ZNF160: variants seen among roughly 807,000 people sequenced by gnomAD.
The protein encoded by ZNF160 is KRAB zinc finger protein KR18.
ZNF160 carries 9 observed loss-of-function variants against 13.1 expected under a neutral mutation model. That is an observed-to-expected ratio of 0.69 (90% CI 0.41 to 1.20). The LOEUF is 1.20. Ranked by LOEUF, ZNF160 falls within the 50% of genes most tolerant of loss-of-function variation. The pLI, the probability that ZNF160 is intolerant of heterozygous loss-of-function variation, is 0.01. For missense variants in ZNF160, 838 were observed against 988.0 expected, an observed-to-expected ratio of 0.85 and a Z score of 2.04; for synonymous variants, 293 against 333.2, an observed-to-expected ratio of 0.88 and a Z score of 1.31.
chr19:53,083,177 G>C (rs774009033), intron 3 of ZNF160, among the ~76,000 whole-genome samples: 5 of 152,134 alleles, frequency 3.3e-5, no homozygotes, highest in Non-Finnish European at 7.3e-5. Context: ...TCATGAAGTA[G>C]GCATGATTAA....
chr19:53,072,115 T>TG (rs1205996526), intron 5 of ZNF160, among the ~76,000 whole-genome samples: 2 of 151,788 alleles, frequency 1.3e-5, no homozygotes, highest in Non-Finnish European at 1.5e-5. Context: ...CTTTTTTTTT[T>TG]TTTTTAGACA....
intron 1 of ZNF160, among the ~76,000 whole-genome samples, chr19:53,096,552 C>T (rs2085243770): frequency 6.8e-6 from 1 of 147,612 alleles, no homozygotes; most frequent in Non-Finnish European, 1.5e-5. Flanking sequence ...TGTGCCCAGG[C>T]CCCTCCATGG....
At chr19:53,073,676 T>C (rs936796368) in intron 5 of ZNF160, among the ~76,000 whole-genome samples, 2 of 152,214 alleles carry the variant, frequency 1.3e-5, no homozygotes, top group Admixed American at 6.5e-5. Context: ...GAAGGAACCA[T>C]AGAGTTCAAA....
rs552337581 is a variant in ZNF160, at chr19:53,098,826, A to G, written c.-354+4439T>C. 2.0e-5 allele frequency among the ~76,000 whole-genome samples: 3 copies of G among 151,236 alleles called. No individual in the cohort carries two copies. In the South Asian group the frequency reaches 6.2e-4, roughly 31 times the overall value. On this transcript the variant is annotated intron_variant, in intron 1 of 5. Transcript: ENST00000683776. Reference sequence around the variant, plus strand: ...CGCGGAAGACCCGGGAGCTGGAGTAAGGCGGTGGGGACGCCTCGGCACTGG... The same window carrying G: ...CGCGGAAGACCCGGGAGCTGGAGTAGGGCGGTGGGGACGCCTCGGCACTGG...
At chr19:53,071,808 G>A (rs73587496) in intron 5 of ZNF160, among the ~76,000 whole-genome samples, 5,010 of 152,008 alleles carry the variant, frequency 0.033, 233 homozygotes, top group African/African-American at 0.11. Flanking sequence ...AAAACATATG[G>A]CTATCTCAAT....
chr19:53,085,226 G>A (rs771660772), intron 3 of ZNF160: 28 of 985,164 alleles, frequency 2.8e-5, no homozygotes, highest in Non-Finnish European at 3.1e-5. Flanking sequence ...TTCCTAACAC[G>A]AAAACATGTC....
At chr19:53,086,165 C>G in intron 3 of ZNF160, 97 bp downstream of exon 3, 1 of 1,411,872 alleles carries the variant, frequency 7.1e-7, no homozygotes, top group Non-Finnish European at 9.9e-7. Context: ...GCAAACATGT[C>G]AGGCAGGACG....
In ZNF160 at chr19:53,069,956, T is replaced by A; in HGVS notation, c.578A>T (p.Gln193Leu). ...VSFHSHLPEL[Q>L]LFQGEGKMYE... ...CATTTTCCCCTCACCTTGAAATAGC[T>A]GCAGTTCAGGCAGATGAGAATGAAA... is the stretch of plus-strand genomic sequence containing the variant. The change falls in exon 6 of 6, where the codon CAG (glutamine) becomes CTG (leucine). Residue 193 changes from glutamine to leucine, a missense_variant. Gln to Leu is a moderately radical substitution (Grantham distance 113, BLOSUM62 -2). Transcript: ENST00000683776. This position sits in a 1 kb window ranked among gnomAD's most constrained non-coding sequence, Gnocchi z 4.4. The A allele has an allele frequency of 6.2e-7, 1 of 1,614,184 alleles. No homozygotes were observed. The highest frequency in any genetic ancestry group is 8.5e-7 in the Non-Finnish European group (1 of 1,180,036).
intron 3 of ZNF160, among the ~76,000 whole-genome samples, chr19:53,076,632 C>T (rs2084401856): frequency 6.6e-6 from 1 of 152,006 alleles, no homozygotes; most frequent in African/African-American, 2.4e-5. Flanking sequence ...GAGTGAGACT[C>T]CATCTCAAAA....
rs200865521 is a variant in ZNF160 at position 53,068,185 on chromosome 19, G to A, written c.2349C>T (p.His783=). 6 of 1,614,026 alleles carry A rather than the reference G, an allele frequency of 3.7e-6. No individual in the cohort carries two copies. Among genetic ancestry groups the A allele is most frequent in the Non-Finnish European group, 4.2e-6 (5 of 1,179,996 alleles). ...RSSLTTHMAI[H]TGEKRYKCNE... is the part of the protein sequence containing the mutation. Reference sequence around the variant, plus strand: ...TACATTTGTAACGCTTTTCTCCAGTGTGGATTGCCATATGGGTAGTTAGAC... The same window carrying A: ...TACATTTGTAACGCTTTTCTCCAGTATGGATTGCCATATGGGTAGTTAGAC... Residue 783 remains histidine (H), a synonymous_variant, in exon 6 of 6, where the codon CAC becomes CAT. Coordinates refer to ENST00000683776, the MANE Select transcript of ZNF160 (RefSeq NM_001322131.2).
chr19:53,073,911 G>A (rs775064067), intron 5 of ZNF160, among the ~76,000 whole-genome samples: 1 of 151,974 alleles, frequency 6.6e-6, no homozygotes, highest in Non-Finnish European at 1.5e-5. Context: ...TCAGCCTCCT[G>A]AGTAGCTGGG....
intron 5 of ZNF160, among the ~76,000 whole-genome samples, chr19:53,072,093 ATTTC>A (rs1323928075): frequency 3.4e-4 from 50 of 149,192 alleles, no homozygotes; most frequent in South Asian, 8.4e-4. Flanking sequence ...TGACAGTTAT[ATTTC>A]TTTCTTTCTT....
chr19:53,074,998 G>C, intron 4 of ZNF160, 59 bp downstream of exon 4: 1 of 1,611,362 alleles, frequency 6.2e-7, no homozygotes, highest in Non-Finnish European at 8.5e-7. Flanking sequence ...GGACTCGTAA[G>C]GGAAAATGCA....
chr19:53,070,687 T>TA (rs2084137763), intron 5 of ZNF160, among the ~76,000 whole-genome samples: 1 of 152,188 alleles, frequency 6.6e-6, no homozygotes. Flanking sequence ...GTGCTGGAAT[T>TA]ACAGGCGTGA....
intron 5 of ZNF160, among the ~76,000 whole-genome samples, chr19:53,071,360 G>C (rs1251627359): frequency 6.6e-6 from 1 of 151,808 alleles, no homozygotes. Flanking sequence ...AGACCAGCCT[G>C]GTCAACATGG....
chr19:53,066,703 T>G lies in ZNF160; in HGVS notation c.*1374A>C, dbSNP rs1044009887. 2.0e-5 allele frequency: 3 copies of G among 152,216 alleles called. No individual in the cohort carries two copies. The highest frequency in any genetic ancestry group is 7.2e-5 in the African/African-American group (3 of 41,458). 9.4% of individuals were successfully genotyped at this position (152,216 alleles called of 1,614,324 possible). ...ATTAGCAAAATGTGCTTCAAGCAGATAATGTGAGTTCTACTAAAGAATATG... is the reference window on the plus strand; with the variant it reads ...ATTAGCAAAATGTGCTTCAAGCAGAGAATGTGAGTTCTACTAAAGAATATG... On this transcript the variant is annotated 3_prime_UTR_variant, in exon 6 of 6. Transcript: ENST00000683776.
chr19:53,074,080 G>A, intron 5 of ZNF160, 60 bp downstream of exon 5: 1 of 1,551,594 alleles, frequency 6.4e-7, no homozygotes, highest in Non-Finnish European at 8.9e-7. Flanking sequence ...GTGAGCTACT[G>A]TGCCCCCTCC....
At chr19:53,080,579 G>A (rs2084593176) in intron 3 of ZNF160, among the ~76,000 whole-genome samples, 1 of 152,026 alleles carries the variant, frequency 6.6e-6, no homozygotes. Context: ...CAGACAACAC[G>A]AACAAATGGA....
chr19:53,081,489 T>A (rs530991704), intron 3 of ZNF160, among the ~76,000 whole-genome samples: 1 of 152,136 alleles, frequency 6.6e-6, no homozygotes, highest in Non-Finnish European at 1.5e-5. Context: ...AGTCGTACTA[T>A]TGGCCAACAA....
Sources: gnomAD v4.1 joint callset for allele counts (sites outside exome capture counted in the v4.1 genomes callset) on GRCh38, gnomAD v4.1.1 for gene constraint, Gnocchi (gnomAD v3.1) non-coding constraint, MANE v1.5 for transcripts, NCBI Gene and HGNC (gene_info 2026-07-23, HGNC 2026-07-21) for gene names.